Variants in ATRNL1 observed in about 807,000 individuals in gnomAD.
ATRNL1 encodes the protein attractin like 1, also known as attractin-like protein 1.
ATRNL1 carries 95 observed loss-of-function variants against 182.7 expected under a neutral mutation model. The ratio of observed to expected loss-of-function variants is 0.52; its 90% confidence interval spans 0.44 to 0.62. The LOEUF (loss-of-function observed/expected upper bound fraction) is 0.62, where lower values mean the gene tolerates loss of function less well. ATRNL1 is among the 20% of genes least tolerant of loss of function. The probability of loss-of-function intolerance (pLI) is 0.00; values close to 1 mark genes in which losing one functional copy is unlikely to be tolerated. For missense variants in ATRNL1, 1,471 were observed against 1,679.5 expected, an observed-to-expected ratio of 0.88 and a Z score of 2.17; for synonymous variants, 576 against 568.3, an observed-to-expected ratio of 1.01 and a Z score of -0.19.
At chr10:115,439,703 T>C (rs1292276459) in intron 21 of ATRNL1, among the ~76,000 whole-genome samples, 4 of 151,864 alleles carry the variant, frequency 2.6e-5, no homozygotes, top group African/African-American at 4.8e-5. Context: ...ACTATCCTGG[T>C]ATACTCAGTG....
chr10:115,725,222 CTA>C (rs1185522942), intron 26 of ATRNL1, among the ~76,000 whole-genome samples: 1 of 152,110 alleles, frequency 6.6e-6, no homozygotes, highest in African/African-American at 2.4e-5. Context: ...AGGAAACAAA[CTA>C]GAATTTTTAA....
chr10:115,412,533 T>C (rs1845194601), intron 20 of ATRNL1, among the ~76,000 whole-genome samples: 1 of 152,228 alleles, frequency 6.6e-6, no homozygotes, highest in Non-Finnish European at 1.5e-5. Flanking sequence ...TATTGAGCAA[T>C]AGATAACTAG....
chr10:115,395,713 C>G (rs2134283638), intron 20 of ATRNL1, among the ~76,000 whole-genome samples: 1 of 151,832 alleles, frequency 6.6e-6, no homozygotes, highest in Admixed American at 6.6e-5. Flanking sequence ...TCTGTACTTT[C>G]ATGAATGATT....
chr10:115,357,256 A>G (rs1425109325), intron 19 of ATRNL1, among the ~76,000 whole-genome samples: 2 of 151,934 alleles, frequency 1.3e-5, no homozygotes, highest in African/African-American at 4.8e-5. Flanking sequence ...TTATATTCTA[A>G]TACGTATAAA....
At chr10:115,245,499 C>CAAAAA (rs35541977) in intron 10 of ATRNL1, among the ~76,000 whole-genome samples, 4 of 72,904 alleles carry the variant, frequency 5.5e-5, no homozygotes, top group Admixed American at 1.7e-4. Context: ...CACTCCGTCT[C>CAAAAA]AAAAAAAAAA....
At chr10:115,255,299 C>A (rs1271114879) in intron 10 of ATRNL1, among the ~76,000 whole-genome samples, 3 of 152,132 alleles carry the variant, frequency 2.0e-5, no homozygotes, top group African/African-American at 7.2e-5. Context: ...TTTGTGTCCT[C>A]TTTTATTTCG....
chr10:115,305,644 C>G (rs1191071070), intron 17 of ATRNL1, among the ~76,000 whole-genome samples: 1 of 152,102 alleles, frequency 6.6e-6, no homozygotes, highest in Non-Finnish European at 1.5e-5. Context: ...TGTCTCTCGA[C>G]AAACATTATT....
intron 15 of ATRNL1, among the ~76,000 whole-genome samples, chr10:115,287,855 C>T (rs1554919539): frequency 1.3e-5 from 2 of 151,764 alleles, no homozygotes; most frequent in Admixed American, 6.6e-5. Flanking sequence ...CTTCTTATCC[C>T]TCCCTTTCGC....
At chr10:115,214,527 T>C (rs1849157779) in intron 8 of ATRNL1, among the ~76,000 whole-genome samples, 1 of 152,080 alleles carries the variant, frequency 6.6e-6, no homozygotes, top group Non-Finnish European at 1.5e-5. Flanking sequence ...AGAATCATTT[T>C]CTTTACTACC....
At chr10:115,733,265 A>G (rs1555063843) in intron 27 of ATRNL1, among the ~76,000 whole-genome samples, 1 of 152,104 alleles carries the variant, frequency 6.6e-6, no homozygotes, top group African/African-American at 2.4e-5. Flanking sequence ...TTATACCAGA[A>G]TTTTCATTTT....
chr10:115,459,048 T>C (rs1271467074), intron 21 of ATRNL1, among the ~76,000 whole-genome samples: 4 of 152,164 alleles, frequency 2.6e-5, no homozygotes, highest in African/African-American at 9.6e-5. Context: ...TCTCTAAACA[T>C]AAATTGTAAA....
intron 19 of ATRNL1, among the ~76,000 whole-genome samples, chr10:115,391,651 G>A (rs782392658): frequency 6.6e-6 from 1 of 151,838 alleles, no homozygotes; most frequent in Non-Finnish European, 1.5e-5. Flanking sequence ...CTGCAGTAAG[G>A]TGGTATAATC....
intron 26 of ATRNL1, among the ~76,000 whole-genome samples, chr10:115,664,959 G>T (rs1860916661): frequency 6.6e-6 from 1 of 152,102 alleles, no homozygotes; most frequent in African/African-American, 2.4e-5. Context: ...CTGAGTTTGT[G>T]TTTATTTAAT....
rs761394846 is a variant in ATRNL1, at chr10:115,417,973, T to A, written c.3270-8277T>A. On this transcript the variant is annotated intron_variant, in intron 20 of 28. Transcript: ENST00000355044. ...AAAAACAAAACTAGACTAGGAAGAC[T>A]GGAATAAACACCTGATCTCTCAGTG... Among the ~76,000 whole-genome samples, 31 of 152,162 alleles carry A rather than the reference T, an allele frequency of 2.0e-4. 1 individual carries two copies. Among genetic ancestry groups the A allele is most frequent in the Non-Finnish European group, 4.1e-4 (28 of 68,034 alleles).
intron 26 of ATRNL1, among the ~76,000 whole-genome samples, chr10:115,701,688 A>G (rs1353922801): frequency 1.3e-5 from 2 of 152,074 alleles, no homozygotes; most frequent in Non-Finnish European, 2.9e-5. Flanking sequence ...CACACAAATT[A>G]TAAAATCTAG....
intron 20 of ATRNL1, among the ~76,000 whole-genome samples, chr10:115,422,794 A>G (rs1362826803): frequency 2.0e-5 from 3 of 152,228 alleles, no homozygotes; most frequent in Non-Finnish European, 4.4e-5. Flanking sequence ...ACATGTTCTC[A>G]CTTTTTAGTT....
chr10:115,522,756 A>AT lies in ATRNL1; in HGVS notation c.3716+3435dup, dbSNP rs1408416251. Among the ~76,000 whole-genome samples, 11 of 152,318 alleles carry AT rather than the reference A, an allele frequency of 7.2e-5. No homozygotes were observed. In the East Asian group the frequency reaches 2.1e-3, roughly 29 times the overall value. ...GAGCCTGTAAAATCAAAATCAAATT[A>AT]TTTATCTCCAAGATACAATGGTGGA... On this transcript the variant is annotated intron_variant, in intron 25 of 28. Coordinates refer to ENST00000355044, the MANE Select transcript of ATRNL1 (RefSeq NM_207303.4).
chr10:115,368,322 A>T (rs1857182549), intron 19 of ATRNL1, among the ~76,000 whole-genome samples: 1 of 152,180 alleles, frequency 6.6e-6, no homozygotes, highest in South Asian at 2.1e-4. Flanking sequence ...TTTGACTCGG[A>T]AAGGGAACTC....
At chr10:115,101,005 A>G (rs1216885699) in intron 1 of ATRNL1, among the ~76,000 whole-genome samples, 1 of 152,060 alleles carries the variant, frequency 6.6e-6, no homozygotes, top group Non-Finnish European at 1.5e-5. Flanking sequence ...GCATTTTTTA[A>G]ACTTTCACTT....
Sources: gnomAD v4.1 joint callset for allele counts (sites outside exome capture counted in the v4.1 genomes callset) on GRCh38, gnomAD v4.1.1 for gene constraint, MANE v1.5 for transcripts, NCBI Gene and HGNC (gene_info 2026-07-23, HGNC 2026-07-21) for gene names.